Variants in STK11IP observed in about 807,000 individuals in gnomAD.
STK11IP encodes serine/threonine-protein kinase 11-interacting protein.
STK11IP carries 103 observed loss-of-function variants against 131.7 expected under a neutral mutation model. The observed-to-expected ratio is 0.78, with a 90% CI of 0.67 to 0.92. The LOEUF is 0.92. STK11IP is among the 40% of genes least tolerant of loss of function. The pLI is 0.00. For synonymous variants in STK11IP, 557 were observed against 575.6 expected, an observed-to-expected ratio of 0.97 and a Z score of 0.46; for missense variants, 1,315 against 1,385.7, an observed-to-expected ratio of 0.95 and a Z score of 0.81.
At chr2:219,604,205 T>C (rs1354863383) in intron 7 of STK11IP, among the ~76,000 whole-genome samples, 1 of 152,194 alleles carries the variant, frequency 6.6e-6, no homozygotes, top group Non-Finnish European at 1.5e-5. Flanking sequence ...CCTTGAGATA[T>C]TAGAACTTTG....
Position 219,616,294 on chromosome 2 carries a change from T to C in STK11IP, c.*101T>C. The stretch of plus-strand genomic sequence containing the variant: ...CTTCCAGGCTCTGGCTGTGGATGTC[T>C]TCAGCCTCTGGGTGCTGGCCAGTGA... On this transcript the variant is annotated 3_prime_UTR_variant, in exon 25 of 25. Coordinates refer to ENST00000456909, the MANE Select transcript of STK11IP (RefSeq NM_052902.4). 7.0e-7 allele frequency: 1 copy of C among 1,429,628 alleles called. No individual in the cohort carries two copies. Among genetic ancestry groups the C allele is most frequent in the Non-Finnish European group, 9.4e-7 (1 of 1,067,186 alleles). 88.6% of individuals were successfully genotyped at this position (1,429,628 alleles called of 1,614,324 possible).
intron 23 of STK11IP, 52 bp downstream of exon 23, chr2:219,614,598 C>CA: frequency 6.3e-7 from 1 of 1,579,814 alleles, no homozygotes; most frequent in Non-Finnish European, 8.7e-7. Flanking sequence ...CCTACCTTGT[C>CA]ACAGGCACTG....
intron 7 of STK11IP, among the ~76,000 whole-genome samples, chr2:219,605,274 C>T (rs1698113805): frequency 6.6e-6 from 1 of 152,180 alleles, no homozygotes; most frequent in Non-Finnish European, 1.5e-5. Flanking sequence ...AAATAAGGCC[C>T]TTACCCTTTC....
intron 19 of STK11IP, 98 bp downstream of exon 19, chr2:219,612,156 T>G (rs989938976): frequency 8.9e-7 from 1 of 1,119,540 alleles, no homozygotes; most frequent in Non-Finnish European, 1.3e-6. Context: ...TCTAGAGACC[T>G]GATCTGGCTT....
intron 19 of STK11IP, 34 bp from the exon 20 acceptor site, chr2:219,613,094 C>CA: frequency 6.3e-7 from 1 of 1,583,192 alleles, no homozygotes. Context: ...CCAGGCCTCT[C>CA]ATCAGGTTTC....
At chr2:219,606,102 C>T (rs188498235) in intron 9 of STK11IP, 43 bp downstream of exon 9, 38 of 1,550,638 alleles carry the variant, frequency 2.5e-5, no homozygotes, top group South Asian at 1.6e-4. Context: ...CACCCTTGCA[C>T]GTACCCCCCC....
rs750689547 is a variant in STK11IP at position 219,611,647 on chromosome 2, TCTC to T, written c.2152_2154del (p.Leu718del). The T allele has an allele frequency of 4.3e-6, 7 of 1,612,916 alleles. No homozygotes were observed. Among genetic ancestry groups the T allele is most frequent in the Non-Finnish European group, 5.9e-6 (7 of 1,179,782 alleles). Reference sequence around the variant, plus strand: ...CTAACTGTGGTAGTGACCACGTGGTTCTCCTCGCTGTGTCTCGGGGAACCCCCA... The same window carrying T: ...CTAACTGTGGTAGTGACCACGTGGTTCTCGCTGTGTCTCGGGGAACCCCCA... On this transcript the variant is annotated inframe_deletion, in exon 18 of 25. Coordinates refer to ENST00000456909, the MANE Select transcript of STK11IP (RefSeq NM_052902.4).
chr2:219,613,048 C>T (rs1464742684), intron 19 of STK11IP, 80 bp from the exon 20 acceptor site: 3 of 1,158,256 alleles, frequency 2.6e-6, no homozygotes, highest in Non-Finnish European at 3.8e-6. Flanking sequence ...AGGGTGCTGT[C>T]ACCAGGAACT....
chr2:219,606,929 C>A, intron 12 of STK11IP, 71 bp downstream of exon 12: 1 of 1,583,560 alleles, frequency 6.3e-7, no homozygotes, highest in Non-Finnish European at 8.6e-7. Context: ...CTACAGTGGG[C>A]AGGGAATGGT....
intron 2 of STK11IP, among the ~76,000 whole-genome samples, chr2:219,600,096 T>G (rs1481403691): frequency 1.5e-5 from 2 of 129,204 alleles, no homozygotes; most frequent in African/African-American, 2.9e-5. Flanking sequence ...GGAGTCTACC[T>G]CTGTCACCCA....
intron 1 of STK11IP, 52 bp from the exon 2 acceptor site, chr2:219,598,042 T>A: frequency 6.4e-7 from 1 of 1,567,126 alleles, no homozygotes; most frequent in Non-Finnish European, 8.7e-7. Context: ...GCCCTGGGCT[T>A]TTGGCACTAC....
In STK11IP at chr2:219,602,043, T is replaced by C. The variant is rs1384410819; in HGVS notation, c.398T>C (p.Leu133Pro). 1.2e-6 allele frequency: 2 copies of C among 1,611,084 alleles called. No individual in the cohort carries two copies. Among genetic ancestry groups the C allele is most frequent in the Non-Finnish European group, 1.7e-6 (2 of 1,178,790 alleles). The change falls in exon 5 of 25, where the codon CTG becomes CCG. Residue 133 changes from leucine to proline, a missense_variant. Coordinates refer to ENST00000456909, the MANE Select transcript of STK11IP (RefSeq NM_052902.4). Reference sequence around the variant, plus strand: ...GGCCTCCGAGGCATCTACTCCCAGCTGGAGACCCTGATTTGCAGCAGGAGC... The same window carrying C: ...GGCCTCCGAGGCATCTACTCCCAGCCGGAGACCCTGATTTGCAGCAGGAGC... ...LHGLRGIYSQ[L>P]ETLICSRSLQ...
intron 16 of STK11IP, 31 bp from the exon 17 acceptor site, chr2:219,609,332 T>C (rs779042954): frequency 6.2e-7 from 1 of 1,610,602 alleles, no homozygotes; most frequent in Non-Finnish European, 8.5e-7. Flanking sequence ...GTCCGCCTGC[T>C]CACAGCTGCC....
chr2:219,612,372 G>T (rs958606701), intron 19 of STK11IP, among the ~76,000 whole-genome samples: 1 of 152,224 alleles, frequency 6.6e-6, no homozygotes, highest in Non-Finnish European at 1.5e-5. Context: ...ACATGATGTC[G>T]TTAGGCCTTT....
At chr2:219,606,561 A>T in intron 11 of STK11IP, 44 bp downstream of exon 11, 1 of 1,612,112 alleles carries the variant, frequency 6.2e-7, no homozygotes, top group Non-Finnish European at 8.5e-7. Context: ...GAAGACACGA[A>T]GGGAGGGCGC....
chr2:219,606,916 G>C, intron 12 of STK11IP, 58 bp downstream of exon 12: 2 of 1,585,884 alleles, frequency 1.3e-6, no homozygotes, highest in Non-Finnish European at 1.7e-6. Flanking sequence ...CGGGGACTCT[G>C]GGCTACAGTG....
intron 19 of STK11IP, 98 bp from the exon 20 acceptor site, chr2:219,613,030 T>G: frequency 1.1e-6 from 1 of 876,306 alleles, no homozygotes. Flanking sequence ...AGTGGGAGGG[T>G]CAGGCCGAGG....
chr2:219,608,814 G>A (rs1402736476), intron 15 of STK11IP, 26 bp downstream of exon 15: 1 of 1,563,898 alleles, frequency 6.4e-7, no homozygotes, highest in Non-Finnish European at 8.7e-7. Context: ...CAGGGTCTCT[G>A]GAGGAGCCAG....
Position 219,611,612 on chromosome 2 carries a change from G to C in STK11IP, c.2113G>C (p.Ala705Pro), listed in dbSNP as rs1379289883. Residue 705 changes from alanine to proline, a missense_variant, in exon 18 of 25, where the codon GCT becomes CCT. Physicochemically the swap from Ala to Pro is conservative, Grantham distance 27 (BLOSUM62 -1). Transcript: ENST00000456909. ...GTCCATCCTCCCTCCAGAATCTCCT[G>C]CTGTGTGTCCTAACTGTGGTAGTGA... ...RPLFQKTESPAVCPNCGSDHV... is the reference protein window; with the variant it reads ...RPLFQKTESPPVCPNCGSDHV... 1 of 1,612,388 alleles carries C rather than the reference G, an allele frequency of 6.2e-7. No homozygotes were observed. The highest frequency in any genetic ancestry group is 1.1e-5 in the South Asian group (1 of 91,066).
Sources: allele counts gnomAD v4.1 joint callset (sites outside exome capture counted in the v4.1 genomes callset), GRCh38; gene constraint gnomAD v4.1.1; transcripts MANE v1.5; gene names NCBI Gene and HGNC (gene_info 2026-07-23, HGNC 2026-07-21).